The following ZBTB40 variants were observed in gnomAD, a reference collection of about 807,000 sequenced individuals.
The protein encoded by ZBTB40 is zinc finger and BTB domain containing 40.
A neutral mutation model predicts 117.5 loss-of-function variants in ZBTB40; 60 were observed. That is an observed-to-expected ratio of 0.51 (90% CI 0.41 to 0.63). ZBTB40 has a LOEUF of 0.63. Ranked by LOEUF, ZBTB40 falls within the 30% of genes least tolerant of loss-of-function variation. ZBTB40 has a pLI of 0.00. For synonymous variants in ZBTB40, 525 were observed against 577.1 expected (o/e 0.91, Z 1.29); for missense variants, 1,287 against 1,498.5 (o/e 0.86, Z 2.33).
chr1:22,448,789 G>A (rs192860714), upstream of ZBTB40, among the ~76,000 whole-genome samples: 1 of 143,722 alleles, frequency 7.0e-6, no homozygotes, highest in East Asian at 2.2e-4. Flanking sequence ...AGAAGTCGTG[G>A]TGGTTGTGTT....
chr1:22,475,920 G>C (rs1458258835), intron 1 of ZBTB40, among the ~76,000 whole-genome samples: 1 of 152,086 alleles, frequency 6.6e-6, no homozygotes, highest in East Asian at 1.9e-4. Flanking sequence ...TGAAGACTTA[G>C]GGGAAAATTA....
intron 1 of ZBTB40, among the ~76,000 whole-genome samples, chr1:22,480,080 T>G (rs1321217810): frequency 6.6e-6 from 1 of 152,182 alleles, no homozygotes; most frequent in African/African-American, 2.4e-5. Context: ...CTAGTTTTTA[T>G]ATTTTTAGTA....
At chr1:22,436,082 G>A (rs1449861271) in intron 1 of ZBTB40, among the ~76,000 whole-genome samples, 11 of 152,100 alleles carry the variant, frequency 7.2e-5, no homozygotes, top group African/African-American at 2.7e-4. Flanking sequence ...CAACCACTTT[G>A]GAAAACTGTT....
At chr1:22,452,336 C>T (rs1409541682) in intron 1 of ZBTB40, among the ~76,000 whole-genome samples, 3 of 152,248 alleles carry the variant, frequency 2.0e-5, no homozygotes, top group African/African-American at 7.2e-5. Context: ...TGTCTCACTC[C>T]CCCTCCCTTC....
intron 1 of ZBTB40, among the ~76,000 whole-genome samples, chr1:22,437,987 G>C (rs932946632): frequency 6.6e-6 from 1 of 151,904 alleles, no homozygotes; most frequent in African/African-American, 2.4e-5. Context: ...AAAATTAGTC[G>C]GGTGTGGTGG....
At chr1:22,504,901 G>A (rs549863165) in intron 5 of ZBTB40, among the ~76,000 whole-genome samples, 1 of 152,286 alleles carries the variant, frequency 6.6e-6, no homozygotes, top group South Asian at 2.1e-4. Context: ...CCAAGATTTA[G>A]CTCTGAAATC....
intron 14 of ZBTB40, among the ~76,000 whole-genome samples, chr1:22,520,908 C>T (rs1639503908): frequency 6.6e-6 from 1 of 152,220 alleles, no homozygotes. Context: ...GTGACATTAG[C>T]GTTCCAGAAC....
chr1:22,493,602 G>A (rs1308200065), intron 3 of ZBTB40, among the ~76,000 whole-genome samples: 1 of 151,992 alleles, frequency 6.6e-6, no homozygotes, highest in African/African-American at 2.4e-5. Context: ...ACCCCCAAAA[G>A]TTTCTTCTTG....
At position 22,511,313 on chromosome 1, in the gene ZBTB40, C is replaced by T. The variant is rs773859358; in HGVS notation, c.1968C>T (p.Gly656=). 2.5e-6 allele frequency: 4 copies of T among 1,614,002 alleles called. No homozygotes were observed. The highest frequency in any genetic ancestry group is 1.3e-5 in the African/African-American group (1 of 74,918). ...GCAGTGTCCACAAATCTTTTCCAGG[C>T]CTGCAGCCTGTCATGCAGGAGTTGG... The part of the protein sequence containing the change: ...LLCSVHKSFP[G]LQPVMQELAY... The change falls in exon 10 of 18, where the codon GGC becomes GGT. Residue 656 remains glycine (G), a synonymous_variant. Transcript: ENST00000375647.
At position 22,512,062 on chromosome 1, in the gene ZBTB40, G is replaced by T; in HGVS notation, c.2389G>T (p.Ala797Ser). 1.2e-6 allele frequency: 2 copies of T among 1,614,064 alleles called. No individual in the cohort carries two copies. The highest frequency in any genetic ancestry group is 1.7e-6 in the Non-Finnish European group (2 of 1,180,040). ...CCATGGTGCAGGTGGAGAGCCCGAT[G>T]CCCCCAAGAAGAAGAAGAAGAGGCT... ...EAHGAGGEPDAPKKKKKRLPV... is the reference protein window; with the variant it reads ...EAHGAGGEPDSPKKKKKRLPV... The change falls in exon 11 of 18, where the codon GCC becomes TCC. Residue 797 changes from alanine (A) to serine (S), a missense_variant. Transcript: ENST00000375647.
rs1638959928 is a variant in ZBTB40, at chr1:22,502,369, A to G, written c.1095A>G (p.Val365=). 1.2e-6 allele frequency: 2 copies of G among 1,614,000 alleles called. No individual in the cohort carries two copies. The highest frequency in any genetic ancestry group is 1.3e-5 in the African/African-American group (1 of 74,918). Residue 365 remains valine, a synonymous_variant, in exon 5 of 18, where the codon GTA becomes GTG. Transcript: ENST00000375647. The stretch of plus-strand genomic sequence containing the variant: ...ACAAAGAGGACCTGATACAGTGTGT[A>G]ACACAGCTGAGACCTATTATGGAGT... ...LEHKEDLIQC[V]TQLRPIMESL... is the part of the protein sequence containing the mutation.
At chr1:22,436,794 C>T (rs1640676141) in intron 1 of ZBTB40, among the ~76,000 whole-genome samples, 1 of 152,016 alleles carries the variant, frequency 6.6e-6, no homozygotes, top group Non-Finnish European at 1.5e-5. Context: ...GTTAGAATTC[C>T]ATATATATTA....
chr1:22,524,773 G>C (rs1489582147), intron 17 of ZBTB40, among the ~76,000 whole-genome samples: 1 of 152,192 alleles, frequency 6.6e-6, no homozygotes, highest in Non-Finnish European at 1.5e-5. Context: ...ACACTTTGTT[G>C]GGCAGGGACT....
intron 1 of ZBTB40, among the ~76,000 whole-genome samples, chr1:22,443,414 G>T (rs1640755428): frequency 6.6e-6 from 1 of 152,246 alleles, no homozygotes; most frequent in Admixed American, 6.5e-5. Context: ...AGGGGCAAGG[G>T]CCTTACAGGT....
At chr1:22,504,462 A>G (rs1165250925) in intron 5 of ZBTB40, among the ~76,000 whole-genome samples, 1 of 152,164 alleles carries the variant, frequency 6.6e-6, no homozygotes, top group Non-Finnish European at 1.5e-5. Flanking sequence ...CATGGATATT[A>G]CTCTTATTTT....
chr1:22,469,094 G>C (rs1004030367), intron 1 of ZBTB40, among the ~76,000 whole-genome samples: 1 of 151,998 alleles, frequency 6.6e-6, no homozygotes, highest in Non-Finnish European at 1.5e-5. Flanking sequence ...CTCCCAAAGT[G>C]CTGGGATTAT....
chr1:22,522,763 A>ATTT (rs1390398487), intron 16 of ZBTB40, among the ~76,000 whole-genome samples: 2 of 123,358 alleles, frequency 1.6e-5, no homozygotes, highest in African/African-American at 5.6e-5. Context: ...AAGATATACC[A>ATTT]TTTTTATTTT....
intron 1 of ZBTB40, among the ~76,000 whole-genome samples, chr1:22,434,118 A>G (rs1640638772): frequency 6.6e-6 from 1 of 152,188 alleles, no homozygotes; most frequent in Non-Finnish European, 1.5e-5. Context: ...ACATTGTCAG[A>G]CTTCCAGAAT....
At chr1:22,433,451 A>AAAAAAAAAAAAAAAAAAAAAAAAAAAC (rs1640627274) in intron 1 of ZBTB40, among the ~76,000 whole-genome samples, 1 of 99,816 alleles carries the variant, frequency 1.0e-5, no homozygotes, top group Middle Eastern at 5.4e-3. Flanking sequence ...AAAAAAAAAA[A>AAAAAAAAAAAAAAAAAAAAAAAAAAAC]AAAAAAGACA....
Sources: gnomAD v4.1 joint callset for allele counts (sites outside exome capture counted in the v4.1 genomes callset) on GRCh38, gnomAD v4.1.1 for gene constraint, MANE v1.5 for transcripts, NCBI Gene and HGNC (gene_info 2026-07-23, HGNC 2026-07-21) for gene names.